Variants in BANK1 observed in about 807,000 individuals in gnomAD.
BANK1 encodes the protein B-cell scaffold protein with ankyrin repeats.
A neutral mutation model predicts 94.5 loss-of-function variants in BANK1; 95 were observed. The observed-to-expected ratio is 1.00, with a 90% CI of 0.85 to 1.19. The LOEUF is 1.19. BANK1 is among the 50% of genes most tolerant of loss of function. BANK1 has a pLI of 0.00. For synonymous variants in BANK1, 334 were observed against 308.4 expected (o/e 1.08, Z -0.87); for missense variants, 987 against 932.2 (o/e 1.06, Z -0.77).
In BANK1 at chr4:101,963,090, G is replaced by T. The variant is rs77252111; in HGVS notation, c.1206+44901G>T. Among the ~76,000 whole-genome samples the T allele has an allele frequency of 5.7e-3, 866 of 152,106 alleles. 14 individuals are homozygous for T. In the East Asian group the frequency reaches 0.057, roughly 10 times the overall value. ...ATTTTTTAATTGTTTTGGACTTGCGGTATATTTCCATTGATCTTTACTAAG... is the reference window on the plus strand; with the variant it reads ...ATTTTTTAATTGTTTTGGACTTGCGTTATATTTCCATTGATCTTTACTAAG... On this transcript the variant is annotated intron_variant, in intron 7 of 16. Transcript: ENST00000322953.
intron 10 of BANK1, among the ~76,000 whole-genome samples, chr4:102,042,241 T>A (rs1727726402): frequency 6.6e-6 from 1 of 152,054 alleles, no homozygotes. Context: ...TATTTTAATA[T>A]CCTAACGTAT....
chr4:101,814,895 G>A (rs777972484), intron 1 of BANK1, among the ~76,000 whole-genome samples: 58 of 152,140 alleles, frequency 3.8e-4, no homozygotes, highest in Admixed American at 9.2e-4. Context: ...ACTTTGAAAT[G>A]TGGCACATTT....
chr4:102,042,010 T>A (rs1727718543), intron 10 of BANK1, among the ~76,000 whole-genome samples: 1 of 152,068 alleles, frequency 6.6e-6, no homozygotes, highest in Non-Finnish European at 1.5e-5. Context: ...TCAATTAATG[T>A]AATTTTTATT....
chr4:101,843,523 A>G (rs1727135569), intron 2 of BANK1, among the ~76,000 whole-genome samples: 1 of 152,162 alleles, frequency 6.6e-6, no homozygotes, highest in Admixed American at 6.5e-5. Context: ...CTTTCCCATA[A>G]CCCTGGAACC....
At chr4:101,952,549 A>G (rs1207401182) in intron 7 of BANK1, among the ~76,000 whole-genome samples, 1 of 152,142 alleles carries the variant, frequency 6.6e-6, no homozygotes, top group Non-Finnish European at 1.5e-5. Flanking sequence ...TAGAAATAAC[A>G]TTTATTGAGT....
In BANK1 at chr4:101,790,946, C is replaced by A. The variant is rs1382461675; in HGVS notation, c.66C>A (p.Pro22=). 6 of 1,518,920 alleles carry A rather than the reference C, an allele frequency of 4.0e-6. No individual in the cohort carries two copies. Among genetic ancestry groups the A allele is most frequent in the Admixed American group, 2.1e-5 (1 of 48,282 alleles). The allele number at this position is 1,518,920 out of a possible 1,614,324, so 94.1% of individuals were successfully genotyped here. A position where few individuals can be genotyped will look rare whatever the true frequency, so the allele number is the denominator to read the frequency against. The part of the protein sequence containing the change: ...SPDPAPCGPA[P]PGNTKDIIMI... ...ACCCCGCCCCCTGCGGCCCAGCGCC[C>A]CCAGGTGGGTAGTCGCGCATTCGGA... is the stretch of plus-strand genomic sequence containing the variant. The change falls in exon 1 of 17, where the codon CCC becomes CCA. Residue 22 remains proline (P), a synonymous_variant. Coordinates refer to ENST00000322953, the MANE Select transcript of BANK1 (RefSeq NM_017935.5).
chr4:102,020,704 G>A (rs1010877744), intron 7 of BANK1, among the ~76,000 whole-genome samples: 3 of 152,032 alleles, frequency 2.0e-5, no homozygotes, highest in Admixed American at 6.6e-5. Flanking sequence ...CAGAACAAAT[G>A]GCCTAAATTA....
intron 3 of BANK1, among the ~76,000 whole-genome samples, chr4:101,859,482 A>G (rs901388679): frequency 3.3e-5 from 5 of 152,248 alleles, no homozygotes; most frequent in Admixed American, 6.5e-5. Flanking sequence ...GATAATTGTC[A>G]TAAACCTTTG....
rs765715256 is a variant in BANK1 at position 101,795,031 on chromosome 4, T to TTA, written c.70+4081_70+4082insTA. ...CACTGAAAAGTATAAGAACAGTCTC[T>TTA]GACTTGGAATTCCATTTACTATATG... On this transcript the variant is annotated intron_variant, in intron 1 of 16. Coordinates refer to ENST00000322953, the MANE Select transcript of BANK1 (RefSeq NM_017935.5). Among the ~76,000 whole-genome samples the TTA allele has an allele frequency of 9.0e-3, 1,335 of 148,154 alleles. 13 individuals are homozygous for TTA. The highest frequency in any genetic ancestry group is 0.025 in the Middle Eastern group (7 of 282).
At chr4:101,792,922 A>G (rs1388779374) in intron 1 of BANK1, among the ~76,000 whole-genome samples, 1 of 152,192 alleles carries the variant, frequency 6.6e-6, no homozygotes, top group Non-Finnish European at 1.5e-5. Context: ...TCTGGTTTGT[A>G]TTTAACTATA....
chr4:102,011,981 G>A lies in BANK1; in HGVS notation c.1207-9533G>A, dbSNP rs367714860. Among the ~76,000 whole-genome samples, 90 of 152,274 alleles carry A rather than the reference G, an allele frequency of 5.9e-4. No homozygotes were observed. In the East Asian group the frequency reaches 7.3e-3, roughly 12 times the overall value. ...AATGGAATCTGGCAAACTGAGAAGA[G>A]ATGAATATGATGGCTTTTAATAAGG... On this transcript the variant is annotated intron_variant, in intron 7 of 16. Coordinates refer to ENST00000322953, the MANE Select transcript of BANK1 (RefSeq NM_017935.5).
At chr4:102,057,537 C>T (rs1728272216) in intron 11 of BANK1, among the ~76,000 whole-genome samples, 1 of 151,976 alleles carries the variant, frequency 6.6e-6, no homozygotes, top group Non-Finnish European at 1.5e-5. Flanking sequence ...CTCCATGTTA[C>T]CCAGGCTGGT....
chr4:101,903,841 G>A (rs1383087556), intron 6 of BANK1, among the ~76,000 whole-genome samples: 1 of 152,162 alleles, frequency 6.6e-6, no homozygotes, highest in Non-Finnish European at 1.5e-5. Flanking sequence ...TCCCCAAGTA[G>A]GAGTAAGGAG....
At chr4:101,839,348 C>T (rs967128966) in intron 2 of BANK1, among the ~76,000 whole-genome samples, 3 of 151,922 alleles carry the variant, frequency 2.0e-5, no homozygotes, top group Non-Finnish European at 1.5e-5. Context: ...ATTATGATTT[C>T]CTTTTGACAG....
At chr4:101,887,855 A>G (rs545051896) in intron 5 of BANK1, among the ~76,000 whole-genome samples, 1 of 152,342 alleles carries the variant, frequency 6.6e-6, no homozygotes, top group South Asian at 2.1e-4. Context: ...TATCTCTTTT[A>G]GATTTATACA....
intron 7 of BANK1, among the ~76,000 whole-genome samples, chr4:101,974,134 GA>G (rs1725047375): frequency 6.6e-6 from 1 of 151,990 alleles, no homozygotes; most frequent in Admixed American, 6.6e-5. Flanking sequence ...TTCCTATTTA[GA>G]AATATTTAAA....
At chr4:102,028,907 T>G (rs888013923) in intron 9 of BANK1, among the ~76,000 whole-genome samples, 20 of 147,432 alleles carry the variant, frequency 1.4e-4, no homozygotes, top group East Asian at 2.0e-4. Context: ...TTTTTATTTG[T>G]TTTTTTTTTG....
chr4:101,964,665 C>T lies in BANK1; in HGVS notation c.1206+46476C>T, dbSNP rs1307617901. Among the ~76,000 whole-genome samples the T allele has an allele frequency of 2.0e-5, 3 of 152,084 alleles. No individual in the cohort carries two copies. The East Asian group carries it at 5.8e-4, about 29-fold the overall frequency. ...GGCTCCTTATTAAATGACTTCTTTA[C>T]TGAAATGACTTTTTCTTCCTCCTTA... is the stretch of plus-strand genomic sequence containing the variant. On this transcript the variant is annotated intron_variant, in intron 7 of 16. Coordinates refer to ENST00000322953, the MANE Select transcript of BANK1 (RefSeq NM_017935.5).
intron 7 of BANK1, chr4:101,981,796 A>T (rs1010311772): frequency 1.5e-4 from 23 of 152,102 alleles, no homozygotes; most frequent in Admixed American, 1.5e-3. Flanking sequence ...AGCTTTGAAG[A>T]TATCCATCTA....
Sources: gnomAD v4.1 joint callset for allele counts (sites outside exome capture counted in the v4.1 genomes callset) on GRCh38, gnomAD v4.1.1 for gene constraint, MANE v1.5 for transcripts, NCBI Gene and HGNC (gene_info 2026-07-23, HGNC 2026-07-21) for gene names.